The following RGS7 variants were observed in gnomAD, a reference collection of about 807,000 sequenced individuals.
The protein encoded by RGS7 is regulator of G-protein signaling 7.
RGS7 carries 27 observed loss-of-function variants against 81.1 expected under a neutral mutation model. That is an observed-to-expected ratio of 0.33 (90% CI 0.25 to 0.46). The LOEUF is 0.46. Ranked by LOEUF, RGS7 falls within the 20% of genes least tolerant of loss-of-function variation. The pLI, the probability that RGS7 is intolerant of heterozygous loss-of-function variation, is 1.00. For missense variants in RGS7, 396 were observed against 607.4 expected (o/e 0.65, Z 3.66); for synonymous variants, 208 against 207.7 (o/e 1.00, Z -0.01).
chr1:240,944,274 GTGTGTGTGTATATATATATA>G (rs1321026686), intron 4 of RGS7, among the ~76,000 whole-genome samples: 90 of 18,822 alleles, frequency 4.8e-3, no homozygotes, highest in Middle Eastern at 0.028. Flanking sequence ...GTGTGTGTGT[GTGTGTGTGTATATATATATA>G]TATATATATA....
chr1:241,094,609 C>CAAAACAAAAACAAAAACA (rs3078666), intron 3 of RGS7, among the ~76,000 whole-genome samples: 6 of 151,656 alleles, frequency 4.0e-5, no homozygotes, highest in Non-Finnish European at 8.8e-5. Context: ...ACTCTAAAAC[C>CAAAACAAAAACAAAAACA]AAAACAAAAA....
chr1:240,935,197 C>T (rs1676419475), intron 5 of RGS7, among the ~76,000 whole-genome samples: 1 of 152,074 alleles, frequency 6.6e-6, no homozygotes, highest in Non-Finnish European at 1.5e-5. Context: ...TGTGCCCGGC[C>T]TCGGTGCCCT....
intron 2 of RGS7, among the ~76,000 whole-genome samples, chr1:241,246,746 T>A (rs556535869): frequency 6.6e-6 from 1 of 152,116 alleles, no homozygotes; most frequent in South Asian, 2.1e-4. Context: ...AATTGTCCTC[T>A]TTGTTGTTTT....
Position 241,091,622 on chromosome 1 carries a change from G to A in RGS7, c.175+7044C>T, listed in dbSNP as rs142982503. ...AAAAGCTGGCCGGATGCAATGGCTCGCATCTGTAATCTTAACACTTTGGGA... is the reference window on the plus strand; with the variant it reads ...AAAAGCTGGCCGGATGCAATGGCTCACATCTGTAATCTTAACACTTTGGGA... On this transcript the variant is annotated intron_variant, in intron 3 of 18. Coordinates refer to ENST00000440928, the MANE Select transcript of RGS7 (RefSeq NM_001364886.1). Among the ~76,000 whole-genome samples, 366 of 151,556 alleles carry A rather than the reference G, an allele frequency of 2.4e-3. 1 individual carries two copies. Among genetic ancestry groups the A allele is most frequent in the African/African-American group, 8.3e-3 (345 of 41,362 alleles).
intron 2 of RGS7, among the ~76,000 whole-genome samples, chr1:241,297,121 A>G (rs1316595452): frequency 2.0e-5 from 3 of 152,170 alleles, no homozygotes; most frequent in East Asian, 3.9e-4. Context: ...ATGTCTTTCC[A>G]ATGTGAACTC....
chr1:240,806,109 G>A (rs751386329), intron 15 of RGS7, 31 bp downstream of exon 15: 10 of 1,599,814 alleles, frequency 6.3e-6, no homozygotes, highest in East Asian at 2.2e-5. Context: ...TCGGAAGCAC[G>A]TTTGTGGTGT....
intron 2 of RGS7, among the ~76,000 whole-genome samples, chr1:241,156,187 G>C (rs1433414161): frequency 3.2e-4 from 48 of 149,654 alleles, no homozygotes; most frequent in African/African-American, 1.2e-3. Flanking sequence ...TACATAGACA[G>C]ACAGACAGAA....
intron 3 of RGS7, among the ~76,000 whole-genome samples, chr1:241,095,924 ATTC>A (rs1190632809): frequency 9.2e-5 from 14 of 152,328 alleles, no homozygotes; most frequent in Admixed American, 2.6e-4. Flanking sequence ...TTTCCAAGTG[ATTC>A]TGATACTAAT....
rs187618835 is a variant in RGS7 at position 240,930,773 on chromosome 1, G to A, written c.334-5C>T. 35 of 1,613,668 alleles carry A rather than the reference G, an allele frequency of 2.2e-5. No homozygotes were observed. The highest frequency in any genetic ancestry group is 2.0e-4 in the East Asian group (9 of 44,854). ...TGATGGCCAAAAATAGGGGGTCTGC[G>A]GAATGAAAAGAAGTGGAACCCAGAT... On this transcript the variant is annotated splice_region_variant and splice_polypyrimidine_tract_variant and intron_variant, in intron 5 of 18. Transcript: ENST00000440928.
Position 241,271,382 on chromosome 1 carries a change from T to C in RGS7, c.78+84317A>G, listed in dbSNP as rs1364859007. Among the ~76,000 whole-genome samples, 1 of 152,176 alleles carries C rather than the reference T, an allele frequency of 6.6e-6. No homozygotes were observed. Among genetic ancestry groups the C allele is most frequent in the African/African-American group, 2.4e-5 (1 of 41,454 alleles). On this transcript the variant is annotated intron_variant, in intron 2 of 18. Transcript: ENST00000440928. This position sits in a 1 kb window ranked among gnomAD's most constrained non-coding sequence, Gnocchi z 4.6. ...CATTTTTTTACAAAAGGAAATCAAATGTGAAAATTTATCTGGATGCTCCAT... is the reference window on the plus strand; with the variant it reads ...CATTTTTTTACAAAAGGAAATCAAACGTGAAAATTTATCTGGATGCTCCAT...
chr1:240,923,406 C>T (rs1474687959), intron 6 of RGS7, among the ~76,000 whole-genome samples: 2 of 151,806 alleles, frequency 1.3e-5, no homozygotes, highest in Non-Finnish European at 2.9e-5. Flanking sequence ...TATAGGGGAA[C>T]GTATAGGTGG....
intron 2 of RGS7, among the ~76,000 whole-genome samples, chr1:241,291,339 T>C (rs1249250755): frequency 1.3e-5 from 2 of 152,098 alleles, no homozygotes; most frequent in Non-Finnish European, 2.9e-5. Flanking sequence ...ACAATACACA[T>C]GTAAACACAG....
At chr1:241,018,125 C>G (rs955952340) in intron 3 of RGS7, among the ~76,000 whole-genome samples, 1 of 149,988 alleles carries the variant, frequency 6.7e-6, no homozygotes, top group Non-Finnish European at 1.5e-5. Flanking sequence ...CACCACCATG[C>G]CCAGCTAATT....
chr1:241,125,718 T>C (rs1350330259), intron 2 of RGS7, among the ~76,000 whole-genome samples: 1 of 152,234 alleles, frequency 6.6e-6, no homozygotes, highest in Admixed American at 6.5e-5. Context: ...TTTATTACTC[T>C]AAGTAAGGTC....
chr1:241,016,155 G>A (rs2148675321), intron 3 of RGS7, among the ~76,000 whole-genome samples: 1 of 152,314 alleles, frequency 6.6e-6, no homozygotes, highest in South Asian at 2.1e-4. Flanking sequence ...TAACATGGAT[G>A]TGAAAAATTA....
At chr1:241,353,656 A>G (rs2083385107) in intron 2 of RGS7, among the ~76,000 whole-genome samples, 1 of 152,170 alleles carries the variant, frequency 6.6e-6, no homozygotes, top group Non-Finnish European at 1.5e-5. Context: ...GGTCACTAAT[A>G]ATAAGCAAAA....
chr1:241,083,254 GAAACA>G (rs149562159), intron 3 of RGS7, among the ~76,000 whole-genome samples: 9,357 of 142,064 alleles, frequency 0.066, 774 homozygotes, highest in African/African-American at 0.2. Context: ...AAAAGAAAAA[GAAACA>G]AAACAAAACA....
intron 2 of RGS7, among the ~76,000 whole-genome samples, chr1:241,237,558 T>C (rs982145199): frequency 2.6e-5 from 4 of 152,216 alleles, no homozygotes; most frequent in Admixed American, 1.3e-4. Flanking sequence ...TCCACCAGAC[T>C]TCCTTGATAG....
At chr1:241,241,239 C>T (rs2076245500) in intron 2 of RGS7, among the ~76,000 whole-genome samples, 1 of 151,986 alleles carries the variant, frequency 6.6e-6, no homozygotes, top group African/African-American at 2.4e-5. Flanking sequence ...CCTTCTTGGA[C>T]CTCTTGCCCA....
Sources: gnomAD v4.1 joint callset for allele counts (sites outside exome capture counted in the v4.1 genomes callset) on GRCh38, gnomAD v4.1.1 for gene constraint, Gnocchi (gnomAD v3.1) non-coding constraint, MANE v1.5 for transcripts, NCBI Gene and HGNC (gene_info 2026-07-23, HGNC 2026-07-21) for gene names.